Variants in ZNF385D observed in about 807,000 individuals in gnomAD.
ZNF385D encodes the protein zinc finger protein 385D, also known as zinc finger protein 659.
ZNF385D carries 15 observed loss-of-function variants against 35.8 expected under a neutral mutation model. The observed-to-expected ratio is 0.42, with a 90% CI of 0.28 to 0.64. The LOEUF is 0.64. Among genes scored for constraint, ZNF385D ranks in the 30% least tolerant of loss-of-function variants. ZNF385D has a pLI of 0.23. For synonymous variants in ZNF385D, 212 were observed against 186.8 expected (o/e 1.13, Z -1.10); for missense variants, 474 against 494.6 (o/e 0.96, Z 0.39).
chr3:22,124,427 T>G (rs1232169121), intron 3 of ZNF385D, among the ~76,000 whole-genome samples: 1 of 152,150 alleles, frequency 6.6e-6, no homozygotes, highest in Non-Finnish European at 1.5e-5. Flanking sequence ...TGATTTCCTT[T>G]TTAGGGTATA....
chr3:21,870,585 C>T (rs1697636114), intron 3 of ZNF385D, among the ~76,000 whole-genome samples: 1 of 152,168 alleles, frequency 6.6e-6, no homozygotes, highest in Non-Finnish European at 1.5e-5. Context: ...CAATAAATGT[C>T]TTACTGTATG....
At chr3:22,322,416 T>A (rs1694483009) in intron 2 of ZNF385D, among the ~76,000 whole-genome samples, 1 of 152,292 alleles carries the variant, frequency 6.6e-6, no homozygotes, top group Middle Eastern at 3.4e-3. Flanking sequence ...TATTTCACTG[T>A]CCTCTATCTC....
At chr3:22,122,713 A>G (rs948938976) in intron 3 of ZNF385D, among the ~76,000 whole-genome samples, 1 of 152,184 alleles carries the variant, frequency 6.6e-6, no homozygotes, top group South Asian at 2.1e-4. Context: ...TTGGATATGG[A>G]AAGTACCAAG....
At chr3:21,997,866 C>CGTGTGTGTGTGTGTGTGTGTGTGTGT (rs1162271257) in intron 3 of ZNF385D, among the ~76,000 whole-genome samples, 2 of 97,852 alleles carry the variant, frequency 2.0e-5, no homozygotes, top group South Asian at 7.6e-4. Flanking sequence ...GGCGCGCGCG[C>CGTGTGTGTGTGTGTGTGTGTGTGTGT]GCGCGCGTGT....
chr3:22,200,746 C>A (rs1324508165), intron 2 of ZNF385D, among the ~76,000 whole-genome samples: 3 of 152,038 alleles, frequency 2.0e-5, no homozygotes, highest in Non-Finnish European at 1.5e-5. Flanking sequence ...CCCGGGGGGA[C>A]CGTCTATAGA....
chr3:21,577,977 T>C (rs2063543380), intron 2 of ZNF385D, among the ~76,000 whole-genome samples: 1 of 151,872 alleles, frequency 6.6e-6, no homozygotes, highest in Non-Finnish European at 1.5e-5. Flanking sequence ...GCCTGGCTAA[T>C]TTTTTAAATT....
At chr3:22,250,637 G>C (rs560330530) in intron 2 of ZNF385D, among the ~76,000 whole-genome samples, 22 of 152,082 alleles carry the variant, frequency 1.4e-4, no homozygotes, top group Non-Finnish European at 2.9e-4. Flanking sequence ...TTTCTGATGA[G>C]AGAAGAATAT....
chr3:22,188,875 T>C (rs1367170085), intron 2 of ZNF385D, among the ~76,000 whole-genome samples: 4 of 152,152 alleles, frequency 2.6e-5, no homozygotes, highest in African/African-American at 9.7e-5. Context: ...GACTGGCAGT[T>C]CAGCTCTAAC....
At chr3:21,719,445 C>A (rs770455252) in intron 1 of ZNF385D, among the ~76,000 whole-genome samples, 5 of 152,214 alleles carry the variant, frequency 3.3e-5, no homozygotes, top group Non-Finnish European at 5.9e-5. Context: ...TGAGCTCACT[C>A]AAGCAAAGGT....
rs142405376 is a variant in ZNF385D at position 21,454,425 on chromosome 3, A to G, written c.440-17222T>C. On this transcript the variant is annotated intron_variant, in intron 4 of 7. Coordinates refer to ENST00000281523, the MANE Select transcript of ZNF385D (RefSeq NM_024697.3). ...AAGTTCCTATGTGATCTTGTCCTCT[A>G]TTATCTTGCTGACTTTATCTTTTTC... Among the ~76,000 whole-genome samples the G allele has an allele frequency of 2.6e-5, 4 of 152,172 alleles. No homozygotes were observed. In the East Asian group the frequency reaches 5.8e-4, roughly 22 times the overall value.
chr3:21,484,471 C>T (rs905512190), intron 4 of ZNF385D, among the ~76,000 whole-genome samples: 2 of 152,190 alleles, frequency 1.3e-5, no homozygotes, highest in Admixed American at 6.6e-5. Context: ...ACCAAGAAGA[C>T]AGACCTCTTC....
At chr3:22,179,315 G>A (rs1016865604) in intron 2 of ZNF385D, among the ~76,000 whole-genome samples, 10 of 152,244 alleles carry the variant, frequency 6.6e-5, no homozygotes, top group African/African-American at 2.2e-4. Context: ...CTTGTAAGTT[G>A]GATTCCTAGG....
At chr3:21,639,860 A>T (rs1362265961) in intron 2 of ZNF385D, among the ~76,000 whole-genome samples, 5 of 152,002 alleles carry the variant, frequency 3.3e-5, no homozygotes, top group Non-Finnish European at 7.4e-5. Context: ...GCTGAAGAGA[A>T]ATTCCTTTAC....
intron 2 of ZNF385D, among the ~76,000 whole-genome samples, chr3:22,180,521 A>G (rs566022936): frequency 6.6e-6 from 1 of 152,336 alleles, no homozygotes; most frequent in South Asian, 2.1e-4. Flanking sequence ...ATGAACATCG[A>G]TGCAAAAATC....
intron 2 of ZNF385D, among the ~76,000 whole-genome samples, chr3:22,264,738 G>T (rs891455608): frequency 3.9e-5 from 6 of 151,918 alleles, no homozygotes; most frequent in African/African-American, 1.4e-4. Context: ...AATACTTGTT[G>T]CATGATCTAA....
intron 3 of ZNF385D, among the ~76,000 whole-genome samples, chr3:21,892,504 T>G (rs1698920649): frequency 7.9e-5 from 12 of 152,194 alleles, no homozygotes; most frequent in Admixed American, 7.9e-4. Flanking sequence ...AAAACTATTA[T>G]TATCATTACT....
chr3:22,084,398 T>C (rs1194413120), intron 3 of ZNF385D, among the ~76,000 whole-genome samples: 1 of 151,560 alleles, frequency 6.6e-6, no homozygotes, highest in African/African-American at 2.4e-5. Context: ...ACCAAGCAAA[T>C]GGAAAACAAA....
chr3:21,796,428 T>G (rs1468192124), intron 3 of ZNF385D, among the ~76,000 whole-genome samples: 1 of 152,168 alleles, frequency 6.6e-6, no homozygotes, highest in African/African-American at 2.4e-5. Flanking sequence ...CGTAAAAAAT[T>G]AGACATCACT....
chr3:21,691,494 C>T (rs1338573884), intron 1 of ZNF385D, among the ~76,000 whole-genome samples: 1 of 152,084 alleles, frequency 6.6e-6, no homozygotes, highest in Non-Finnish European at 1.5e-5. Flanking sequence ...TACCCAAAAA[C>T]GGACCCAAAT....
Sources: allele counts gnomAD v4.1 joint callset (sites outside exome capture counted in the v4.1 genomes callset), GRCh38; gene constraint gnomAD v4.1.1; transcripts MANE v1.5; gene names NCBI Gene and HGNC (gene_info 2026-07-23, HGNC 2026-07-21).